The following NOX4 variants were observed in gnomAD, a reference collection of about 807,000 sequenced individuals.
NOX4 encodes NADPH oxidase 4.
A neutral mutation model predicts 87.6 loss-of-function variants in NOX4; 69 were observed. The ratio of observed to expected loss-of-function variants is 0.79; its 90% CI spans 0.65 to 0.96. The LOEUF (loss-of-function observed/expected upper bound fraction) is 0.96, where lower values mean the gene tolerates loss of function less well. Ranked by LOEUF, NOX4 falls within the 40% of genes least tolerant of loss-of-function variation. The pLI is 0.00. For synonymous variants in NOX4, 275 were observed against 238.2 expected (o/e 1.15, Z -1.42); for missense variants, 680 against 681.5 (o/e 1.00, Z 0.02).
At chr11:89,352,005 C>T (rs1946476200) in intron 13 of NOX4, among the ~76,000 whole-genome samples, 1 of 152,082 alleles carries the variant, frequency 6.6e-6, no homozygotes, top group African/African-American at 2.4e-5. Context: ...ATAACTCAGA[C>T]ACAGAAAGTT....
chr11:89,496,224 C>T (rs1591385259), upstream of NOX4, among the ~76,000 whole-genome samples: 1 of 152,220 alleles, frequency 6.6e-6, no homozygotes, highest in South Asian at 2.1e-4. Flanking sequence ...TACCGTGCAC[C>T]CACATGGCTG....
intron 2 of NOX4, among the ~76,000 whole-genome samples, chr11:89,453,127 G>C (rs766988480): frequency 5.9e-5 from 9 of 152,134 alleles, no homozygotes; most frequent in Non-Finnish European, 1.2e-4. Context: ...TAGTCACCCT[G>C]TTGTGCAAAA....
the NOX4 span, among the ~76,000 whole-genome samples, chr11:89,508,850 C>A: frequency 0.012 from 1,898 of 152,108 alleles, 39 homozygotes; most frequent in African/African-American, 0.044. Flanking sequence ...CACAAAGCAA[C>A]AAAGTGACGG....
Position 89,440,735 on chromosome 11 carries a change from A to T in NOX4, c.448-20T>A, listed in dbSNP as rs1944420973. 2.1e-6 allele frequency: 3 copies of T among 1,432,844 alleles called. No individual in the cohort carries two copies. The highest frequency in any genetic ancestry group is 2.0e-4 in the Middle Eastern group (1 of 4,950). The allele number at this position is 1,432,844 out of a possible 1,614,324, so 88.8% of individuals were successfully genotyped here. A position where few individuals can be genotyped will look rare whatever the true frequency, so the allele number is the denominator to read the frequency against. Reference sequence around the variant, plus strand: ...AGGATCCTGAGAAAAAGAAAAAAAAATAAATGATTAAAAACTAAAGCACTG... The same window carrying T: ...AGGATCCTGAGAAAAAGAAAAAAAATTAAATGATTAAAAACTAAAGCACTG... On this transcript the variant is annotated intron_variant, in intron 5 of 17. Transcript: ENST00000263317.
At chr11:89,587,048 A>G in the NOX4 span, among the ~76,000 whole-genome samples, 1 of 152,210 alleles carries the variant, frequency 6.6e-6, no homozygotes, top group Non-Finnish European at 1.5e-5. Context: ...GGAAGCTCCC[A>G]AGATGATAAA....
At chr11:89,535,946 A>C in the NOX4 span, among the ~76,000 whole-genome samples, 1 of 152,048 alleles carries the variant, frequency 6.6e-6, no homozygotes. Flanking sequence ...AGGAAATCCC[A>C]CGGTCTCTGC....
chr11:89,333,136 TC>T (rs1409718945), intron 17 of NOX4, among the ~76,000 whole-genome samples: 1 of 151,834 alleles, frequency 6.6e-6, no homozygotes, highest in African/African-American at 2.4e-5. Context: ...ATATAAGTTA[TC>T]TAAATATAAA....
intron 11 of NOX4, among the ~76,000 whole-genome samples, chr11:89,389,572 T>C (rs1456808586): frequency 1.3e-5 from 2 of 152,170 alleles, no homozygotes; most frequent in African/African-American, 4.8e-5. Flanking sequence ...AAGAGCTTAG[T>C]AGTATGGACA....
chr11:89,330,569 T>C (rs1350045540), intron 17 of NOX4, among the ~76,000 whole-genome samples: 3 of 150,816 alleles, frequency 2.0e-5, no homozygotes, highest in East Asian at 2.0e-4. Flanking sequence ...AAGATTCCAA[T>C]TGATGCTGGT....
chr11:89,378,354 T>G (rs191742977), intron 11 of NOX4, among the ~76,000 whole-genome samples: 17 of 152,310 alleles, frequency 1.1e-4, no homozygotes, highest in African/African-American at 3.4e-4. Flanking sequence ...TCCCAGTAAC[T>G]GTTCAAGGCT....
At chr11:89,565,267 ATAT>A in the NOX4 span, among the ~76,000 whole-genome samples, 1 of 151,952 alleles carries the variant, frequency 6.6e-6, no homozygotes, top group African/African-American at 2.4e-5. Flanking sequence ...TATATCAATA[ATAT>A]TATAATATTA....
chr11:89,524,271 C>A, the NOX4 span, among the ~76,000 whole-genome samples: 2 of 152,270 alleles, frequency 1.3e-5, no homozygotes, highest in East Asian at 3.9e-4. Flanking sequence ...TTTAAGTTAG[C>A]ATCCTTTCTG....
At chr11:89,451,688 A>G (rs1944968168) in intron 3 of NOX4, 97 bp downstream of exon 3, 1 of 783,046 alleles carries the variant, frequency 1.3e-6, no homozygotes, top group Middle Eastern at 2.4e-4. Flanking sequence ...AAATCACTCC[A>G]GTCAAAAGTC....
chr11:89,578,272 C>G, the NOX4 span, among the ~76,000 whole-genome samples: 1 of 152,000 alleles, frequency 6.6e-6, no homozygotes, highest in South Asian at 2.1e-4. Flanking sequence ...AGCAATTCAC[C>G]TGCCTCAGCT....
chr11:89,428,640 G>T (rs1372201799), intron 7 of NOX4, among the ~76,000 whole-genome samples: 3 of 151,912 alleles, frequency 2.0e-5, no homozygotes, highest in Admixed American at 6.6e-5. Context: ...AATGGTAAAG[G>T]GATCAATTCA....
At chr11:89,402,857 G>T (rs1008862311) in intron 8 of NOX4, among the ~76,000 whole-genome samples, 1 of 152,036 alleles carries the variant, frequency 6.6e-6, no homozygotes, top group South Asian at 2.1e-4. Context: ...AAGACTATTA[G>T]GCATTCATAC....
intron 2 of NOX4, among the ~76,000 whole-genome samples, chr11:89,455,626 A>C (rs908550394): frequency 2.4e-4 from 36 of 151,932 alleles, no homozygotes; most frequent in African/African-American, 8.4e-4. Context: ...TTGTATGTCC[A>C]CCAATAACTT....
At chr11:89,524,243 C>A in the NOX4 span, among the ~76,000 whole-genome samples, 1 of 152,146 alleles carries the variant, frequency 6.6e-6, no homozygotes, top group Non-Finnish European at 1.5e-5. Context: ...TGCCTGCTTA[C>A]TACAAATGTC....
chr11:89,535,562 C>T, the NOX4 span, among the ~76,000 whole-genome samples: 6 of 152,154 alleles, frequency 3.9e-5, no homozygotes, highest in Non-Finnish European at 5.9e-5. Flanking sequence ...GCCTCTCCTC[C>T]TTTCTGCTTT....
Sources: gnomAD v4.1 joint callset for allele counts (sites outside exome capture counted in the v4.1 genomes callset) on GRCh38, gnomAD v4.1.1 for gene constraint, MANE v1.5 for transcripts, NCBI Gene and HGNC (gene_info 2026-07-23, HGNC 2026-07-21) for gene names.